ZMAT4: variants seen among roughly 807,000 people sequenced by gnomAD.
The protein encoded by ZMAT4 is zinc finger matrin-type 4.
Under a neutral mutation model 28.7 loss-of-function variants are expected in ZMAT4, and 17 were observed. That is an observed-to-expected ratio of 0.59 (90% CI 0.41 to 0.89). The LOEUF (loss-of-function observed/expected upper bound fraction) is 0.89, where lower values mean the gene tolerates loss of function less well. Ranked by LOEUF, ZMAT4 falls within the 40% of genes least tolerant of loss-of-function variation. The pLI is 0.00. For synonymous variants in ZMAT4, 117 were observed against 109.2 expected (o/e 1.07, Z -0.44); for missense variants, 240 against 283.8 (o/e 0.85, Z 1.11).
intron 1 of ZMAT4, among the ~76,000 whole-genome samples, chr8:40,876,167 A>C (rs1267359142): frequency 6.6e-6 from 1 of 151,968 alleles, no homozygotes; most frequent in Non-Finnish European, 1.5e-5. Flanking sequence ...TTATTTTCTT[A>C]TTTTCTTCTG....
chr8:40,712,375 T>A (rs543463650), intron 3 of ZMAT4, among the ~76,000 whole-genome samples: 13 of 152,368 alleles, frequency 8.5e-5, no homozygotes, highest in Admixed American at 7.2e-4. Context: ...AGATAAGACA[T>A]GGAGGATATC....
chr8:40,844,564 T>A (rs1264425328), intron 1 of ZMAT4, among the ~76,000 whole-genome samples: 1 of 152,098 alleles, frequency 6.6e-6, no homozygotes, highest in Non-Finnish European at 1.5e-5. Flanking sequence ...TCCATTATCA[T>A]GTGAGCTGAT....
chr8:40,576,627 A>G (rs144650349), intron 6 of ZMAT4, among the ~76,000 whole-genome samples: 1 of 152,314 alleles, frequency 6.6e-6, no homozygotes, highest in East Asian at 1.9e-4. Flanking sequence ...GAAGAAATTA[A>G]TCATCACCAG....
intron 1 of ZMAT4, among the ~76,000 whole-genome samples, chr8:40,847,582 C>T (rs1816953533): frequency 1.3e-5 from 2 of 152,228 alleles, no homozygotes; most frequent in African/African-American, 4.8e-5. Context: ...GCTTCTTCCT[C>T]TGCAGCATGT....
chr8:40,831,514 C>T (rs1331010752), intron 1 of ZMAT4, among the ~76,000 whole-genome samples: 2 of 152,200 alleles, frequency 1.3e-5, no homozygotes, highest in Non-Finnish European at 2.9e-5. Flanking sequence ...CCCAGGGTGG[C>T]ATCTCCTCCA....
intron 6 of ZMAT4, among the ~76,000 whole-genome samples, chr8:40,559,974 A>T (rs1248457905): frequency 6.6e-6 from 1 of 151,968 alleles, no homozygotes; most frequent in East Asian, 1.9e-4. Flanking sequence ...ACCGCAGAGG[A>T]GATACTGGGG....
At chr8:40,764,332 T>G (rs1249713565) in intron 3 of ZMAT4, among the ~76,000 whole-genome samples, 1 of 152,198 alleles carries the variant, frequency 6.6e-6, no homozygotes, top group Non-Finnish European at 1.5e-5. Flanking sequence ...TTTAAACAGC[T>G]GACAATGTCA....
At chr8:40,829,371 G>A (rs1445805005) in intron 1 of ZMAT4, among the ~76,000 whole-genome samples, 1 of 152,216 alleles carries the variant, frequency 6.6e-6, no homozygotes, top group African/African-American at 2.4e-5. Context: ...ATGGAGGTAA[G>A]AGGCCTCCAC....
intron 5 of ZMAT4, among the ~76,000 whole-genome samples, chr8:40,626,759 G>A (rs1285981935): frequency 6.6e-6 from 1 of 152,198 alleles, no homozygotes; most frequent in Admixed American, 6.5e-5. Flanking sequence ...CACTGGGATT[G>A]CTAATGTGAG....
chr8:40,598,984 G>A (rs1457986794), intron 5 of ZMAT4, among the ~76,000 whole-genome samples: 1 of 152,138 alleles, frequency 6.6e-6, no homozygotes, highest in Non-Finnish European at 1.5e-5. Flanking sequence ...AATAGACACA[G>A]AAAAATCAAT....
intron 2 of ZMAT4, among the ~76,000 whole-genome samples, chr8:40,803,722 C>CT (rs1383397619): frequency 1.9e-4 from 29 of 152,122 alleles, no homozygotes; most frequent in Non-Finnish European, 2.9e-5. Flanking sequence ...AAATCACACT[C>CT]GTTGGTATAT....
At position 40,584,727 on chromosome 8, in the gene ZMAT4, G is replaced by A. The variant is rs964610815; in HGVS notation, c.578-3466C>T. Among the ~76,000 whole-genome samples, 14 of 152,088 alleles carry A rather than the reference G, an allele frequency of 9.2e-5. No homozygotes were observed. In the East Asian group the frequency reaches 1.7e-3, roughly 19 times the overall value. On this transcript the variant is annotated intron_variant, in intron 5 of 6. Transcript: ENST00000297737. Reference sequence around the variant, plus strand: ...CAGCTCACTGCAACCTCCGCCTCCCGAGTTCAAGCAATTCTCCTGCCTCAG... The same window carrying A: ...CAGCTCACTGCAACCTCCGCCTCCCAAGTTCAAGCAATTCTCCTGCCTCAG...
chr8:40,678,776 C>G (rs565324722), intron 4 of ZMAT4, among the ~76,000 whole-genome samples: 2 of 152,208 alleles, frequency 1.3e-5, no homozygotes, highest in South Asian at 4.1e-4. Context: ...ATGCAAAAAC[C>G]CCCGAAACTC....
At chr8:40,704,308 C>A (rs74560957) in intron 3 of ZMAT4, among the ~76,000 whole-genome samples, 6,934 of 152,220 alleles carry the variant, frequency 0.046, 295 homozygotes, top group East Asian at 0.24. Context: ...ACTACAGGGT[C>A]CTGGGTAACG....
chr8:40,782,858 G>A (rs1004163700), intron 2 of ZMAT4, among the ~76,000 whole-genome samples: 1 of 152,180 alleles, frequency 6.6e-6, no homozygotes, highest in African/African-American at 2.4e-5. Context: ...GGAAAAATAG[G>A]TCCTTGGAAT....
chr8:40,605,643 G>T (rs1376848349), intron 5 of ZMAT4, among the ~76,000 whole-genome samples: 2 of 152,080 alleles, frequency 1.3e-5, no homozygotes, highest in Non-Finnish European at 2.9e-5. Context: ...TTCTACAGTT[G>T]TTGGGTAGAA....
In ZMAT4 at chr8:40,703,303, G is replaced by A. The variant is rs543298049; in HGVS notation, c.193-5902C>T. 3.9e-5 allele frequency among the ~76,000 whole-genome samples: 6 copies of A among 152,246 alleles called. No individual in the cohort carries two copies. The South Asian group carries it at 1.2e-3, about 32-fold the overall frequency. On this transcript the variant is annotated intron_variant, in intron 3 of 6. Coordinates refer to ENST00000297737, the MANE Select transcript of ZMAT4 (RefSeq NM_024645.3). ...TTTTATAGCCACATCATTCATAATA[G>A]CCCAAAGTGGAAACAGCCCAAATGT...
chr8:40,803,661 CAATTTGG>C (rs1563495274), intron 2 of ZMAT4, among the ~76,000 whole-genome samples: 5 of 152,174 alleles, frequency 3.3e-5, no homozygotes, highest in Admixed American at 2.0e-4. Flanking sequence ...CTTTGGAAGA[CAATTTGG>C]CAGTTTCTTA....
chr8:40,601,465 A>G lies in ZMAT4; in HGVS notation c.578-20204T>C, dbSNP rs543476043. ...GGAAGGAAGGAAGGAAGGGAGGAAG[A>G]AAGGAAAGAAAGAAAGAAAGAAAGA... On this transcript the variant is annotated intron_variant, in intron 5 of 6. Transcript: ENST00000297737. Among the ~76,000 whole-genome samples, 133 of 43,680 alleles carry G rather than the reference A, an allele frequency of 3.0e-3. 3 individuals carry two copies. The highest frequency in any genetic ancestry group is 8.4e-3 in the Admixed American group (31 of 3,696). 28.7% of individuals were successfully genotyped at this position (43,680 alleles called of 152,430 possible). A position where few individuals can be genotyped will look rare whatever the true frequency, so the allele number is the denominator to read the frequency against.
Sources: gnomAD v4.1 joint callset for allele counts (sites outside exome capture counted in the v4.1 genomes callset) on GRCh38, gnomAD v4.1.1 for gene constraint, MANE v1.5 for transcripts, NCBI Gene and HGNC (gene_info 2026-07-23, HGNC 2026-07-21) for gene names.